Variants in SYT14 observed in about 807,000 individuals in gnomAD.
The protein encoded by SYT14 is synaptotagmin 14.
Under a neutral mutation model 74.2 loss-of-function variants are expected in SYT14, and 32 were observed. That is an observed-to-expected ratio of 0.43 (90% CI 0.33 to 0.58). The LOEUF (loss-of-function observed/expected upper bound fraction) is 0.58. SYT14 is among the 20% of genes least tolerant of loss of function. The pLI, the probability that SYT14 is intolerant of heterozygous loss-of-function variation, is 0.05. For missense variants in SYT14, 791 were observed against 981.8 expected, an observed-to-expected ratio of 0.81 and a Z score of 2.60; for synonymous variants, 298 against 337.7, an observed-to-expected ratio of 0.88 and a Z score of 1.29.
At chr1:210,077,265 C>T (rs531126839) in intron 5 of SYT14, among the ~76,000 whole-genome samples, 1 of 152,126 alleles carries the variant, frequency 6.6e-6, no homozygotes, top group African/African-American at 2.4e-5. Context: ...ATGCCACACA[C>T]TTAAAACAAC....
At chr1:209,961,846 G>A (rs932768859) in intron 2 of SYT14, among the ~76,000 whole-genome samples, 11 of 152,068 alleles carry the variant, frequency 7.2e-5, no homozygotes, top group Admixed American at 7.2e-4. Flanking sequence ...AGTTACTAAT[G>A]TTAGCCTTCT....
intron 2 of SYT14, among the ~76,000 whole-genome samples, chr1:209,954,709 T>TC (rs1209215744): frequency 1.3e-4 from 18 of 140,874 alleles, no homozygotes; most frequent in Non-Finnish European, 1.7e-4. Flanking sequence ...TCTTTCTCTC[T>TC]TTTTTTTTTT....
chr1:210,131,368 A>G (rs920975869), intron 7 of SYT14, among the ~76,000 whole-genome samples: 37 of 152,012 alleles, frequency 2.4e-4, no homozygotes, highest in African/African-American at 8.7e-4. Context: ...TTTTATATGA[A>G]TAGTCTTATT....
rs867442112 is a variant in SYT14, at chr1:209,943,874, A to G, written c.-534+5597A>G. Among the ~76,000 whole-genome samples the G allele has an allele frequency of 2.0e-5, 3 of 152,176 alleles. No homozygotes were observed. The South Asian group carries it at 6.2e-4, about 31-fold the overall frequency. ...TAAAATGATTATATGCATATTTTGT[A>G]TGTATATATAGTAATAGCTAAATTG... On this transcript the variant is annotated intron_variant, in intron 1 of 9. Coordinates refer to ENST00000637265, the Ensembl canonical transcript of SYT14.
At chr1:210,086,761 C>A (rs1318120801) in intron 5 of SYT14, among the ~76,000 whole-genome samples, 3 of 152,144 alleles carry the variant, frequency 2.0e-5, no homozygotes, top group African/African-American at 7.2e-5. Context: ...TATATGCACA[C>A]ATATATGCAC....
intron 7 of SYT14, among the ~76,000 whole-genome samples, chr1:210,151,866 G>T (rs1318046081): frequency 6.6e-6 from 1 of 152,128 alleles, no homozygotes. Context: ...ATTGAGAAAG[G>T]CCTTTCCATC....
intron 5 of SYT14, among the ~76,000 whole-genome samples, chr1:210,052,359 T>C (rs1480087672): frequency 6.6e-6 from 1 of 151,178 alleles, no homozygotes; most frequent in East Asian, 2.0e-4. Flanking sequence ...TAGCTGGAAC[T>C]ACAGGTCCCC....
At chr1:210,024,076 G>T (rs987314143) in intron 5 of SYT14, among the ~76,000 whole-genome samples, 1 of 152,160 alleles carries the variant, frequency 6.6e-6, no homozygotes, top group Non-Finnish European at 1.5e-5. Context: ...ACATAGGTGC[G>T]TCTATACATA....
chr1:209,999,257 ATGT>A (rs929834394), intron 2 of SYT14, among the ~76,000 whole-genome samples: 8 of 152,132 alleles, frequency 5.3e-5, no homozygotes, highest in Non-Finnish European at 8.8e-5. Context: ...AAAATAACAG[ATGT>A]TGTCAAGGAT....
intron 2 of SYT14, among the ~76,000 whole-genome samples, chr1:209,960,718 C>T (rs1262315778): frequency 6.6e-6 from 1 of 152,068 alleles, no homozygotes; most frequent in Non-Finnish European, 1.5e-5. Flanking sequence ...GTAGTTGTAA[C>T]TCATCTGAGA....
intron 7 of SYT14, among the ~76,000 whole-genome samples, chr1:210,149,572 G>A (rs1234729040): frequency 6.6e-6 from 1 of 152,132 alleles, no homozygotes; most frequent in Admixed American, 6.5e-5. Context: ...TTATTTATGT[G>A]AATGTTCTAT....
chr1:210,088,706 A>G (rs1183786289), intron 5 of SYT14, among the ~76,000 whole-genome samples: 5 of 151,768 alleles, frequency 3.3e-5, no homozygotes, highest in Non-Finnish European at 4.4e-5. Context: ...GAAGCTGGAA[A>G]CCATCATTCT....
chr1:210,031,626 T>A (rs576105378), intron 5 of SYT14, among the ~76,000 whole-genome samples: 4 of 152,266 alleles, frequency 2.6e-5, no homozygotes, highest in African/African-American at 9.6e-5. Flanking sequence ...CTTGTGTGAG[T>A]TTTGGAATAT....
chr1:209,982,152 A>AATT (rs769085245), intron 2 of SYT14, among the ~76,000 whole-genome samples: 11 of 151,754 alleles, frequency 7.2e-5, no homozygotes, highest in Non-Finnish European at 1.5e-4. Flanking sequence ...CTTGTTTATT[A>AATT]ATTATTATTA....
intron 5 of SYT14, among the ~76,000 whole-genome samples, chr1:210,078,443 A>T (rs1048350675): frequency 6.6e-6 from 1 of 152,170 alleles, no homozygotes; most frequent in Non-Finnish European, 1.5e-5. Context: ...GACAAACACT[A>T]AAAAAGTGAT....
chr1:209,948,083 G>C lies in SYT14; in HGVS notation c.-533-4626G>C, dbSNP rs149569897. 1.8e-3 allele frequency among the ~76,000 whole-genome samples: 270 copies of C among 152,198 alleles called. 3 individuals carry two copies. The Middle Eastern group carries it at 0.037, about 21-fold the overall frequency. ...GTAAACATAACTTTTGTATGCACTG[G>C]GAATCCAAAAAGTTTATGTGACTTG... On this transcript the variant is annotated intron_variant, in intron 1 of 9. Transcript: ENST00000637265.
chr1:210,161,747 G>T (rs1222140711), exon 10 of SYT14: 1 of 453,918 alleles, frequency 2.2e-6, no homozygotes, highest in Non-Finnish European at 4.4e-6. Context: ...CCAAGTCACT[G>T]TACTGGTCCC....
Position 210,121,257 on chromosome 1 carries a change from T to C in SYT14, c.2034+20796T>C, listed in dbSNP as rs555752754. 1.3e-4 allele frequency among the ~76,000 whole-genome samples: 20 copies of C among 152,364 alleles called. 1 individual carries two copies. The highest frequency in any genetic ancestry group is 3.4e-3 in the Middle Eastern group (1 of 294). On this transcript the variant is annotated intron_variant, in intron 7 of 9. Transcript: ENST00000637265. ...GCTAAATGCTATTTTTATTTGATCT[T>C]ATCCATGTATGAATAAATTTAATGT...
chr1:210,061,345 A>G (rs1404389442), intron 5 of SYT14, among the ~76,000 whole-genome samples: 6 of 152,012 alleles, frequency 3.9e-5, no homozygotes. Context: ...AAGAAAAATT[A>G]TCAAAATATA....
Sources: gnomAD v4.1 joint callset for allele counts (sites outside exome capture counted in the v4.1 genomes callset) on GRCh38, gnomAD v4.1.1 for gene constraint, MANE v1.5 for transcripts, NCBI Gene and HGNC (gene_info 2026-07-23, HGNC 2026-07-21) for gene names.